FLG: variants seen among roughly 807,000 people sequenced by gnomAD.
The protein encoded by FLG is filaggrin, also known as epidermal filaggrin.
A neutral mutation model predicts 3.8 loss-of-function variants in FLG; 6 were observed. That is an observed-to-expected ratio of 1.60 (90% CI 0.87 to 3.15). The LOEUF (loss-of-function observed/expected upper bound fraction) is 3.15, where lower values mean the gene tolerates loss of function less well. FLG is among the 30% of genes most tolerant of loss of function. The pLI is 0.00. For missense variants in FLG, 7,595 were observed against 5,050.9 expected (o/e 1.50, Z -15.27); for synonymous variants, 2,551 against 1,931.6 (o/e 1.32, Z -8.41).
At position 152,303,383 on chromosome 1, in the gene FLG, T is replaced by A. The variant is rs766454727; in HGVS notation, c.11503A>T (p.Thr3835Ser). The change falls in exon 3 of 3, where the codon ACT becomes TCT. Residue 3835 changes from threonine to serine, a missense_variant. Coordinates refer to ENST00000368799, the MANE Select transcript of FLG (RefSeq NM_002016.2). ...GAGTGTCTAGAGCTGTCAGCCTGAGTGGAAGCTTCATGGTGACGCGACCCT... is the reference window on the plus strand; with the variant it reads ...GAGTGTCTAGAGCTGTCAGCCTGAGAGGAAGCTTCATGGTGACGCGACCCT... The part of the protein sequence containing the change: ...HSGSRHHEAS[T>S]QADSSRHSQS... 9 of 1,614,002 alleles carry A rather than the reference T, an allele frequency of 5.6e-6. No individual in the cohort carries two copies. Among genetic ancestry groups the A allele is most frequent in the South Asian group, 1.1e-5 (1 of 91,044 alleles).
chr1:152,321,783 A>G (rs1652985040), intron 1 of FLG, among the ~76,000 whole-genome samples: 1 of 151,242 alleles, frequency 6.6e-6, no homozygotes, highest in South Asian at 2.1e-4. Context: ...AGAGAAATGA[A>G]AAACAGGAAA....
chr1:152,323,968 C>T (rs1415864379), intron 1 of FLG, among the ~76,000 whole-genome samples: 1 of 151,576 alleles, frequency 6.6e-6, no homozygotes. Flanking sequence ...GTAGACTGGA[C>T]TAGGATGATA....
chr1:152,304,761 C>T lies in FLG; in HGVS notation c.10125G>A (p.Arg3375=), dbSNP rs541321784. The part of the protein sequence containing the change: ...QQSHQESARD[R]SGGRSGRSGS... ...CTGAACGTCCAGACCTTCCCCCTGA[C>T]CGGTCACGTGCGGACTCTTGGTGGC... Residue 3375 remains arginine, a synonymous_variant, in exon 3 of 3, where the codon CGG becomes CGA. Transcript: ENST00000368799. 1.2e-6 allele frequency: 2 copies of T among 1,613,716 alleles called. No individual in the cohort carries two copies. Among genetic ancestry groups the T allele is most frequent in the Admixed American group, 1.7e-5 (1 of 60,002 alleles).
At position 152,303,675 on chromosome 1, in the gene FLG, G is replaced by A. The variant is rs764701163; in HGVS notation, c.11211C>T (p.Ser3737=). 6 of 1,614,026 alleles carry A rather than the reference G, an allele frequency of 3.7e-6. No individual in the cohort carries two copies. Among genetic ancestry groups the A allele is most frequent in the African/African-American group, 1.3e-5 (1 of 75,018 alleles). ...AGCTGTCTCGTGCCTGCTCGTGGCG[G>A]GATCCTTGTCTTCCTCCAGTACTGG... ...AGPSTGGRQG[S]RHEQARDSSR... Residue 3737 remains serine, a synonymous_variant, in exon 3 of 3, where the codon TCC becomes TCT. Transcript: ENST00000368799.
chr1:152,302,632 G>A lies in FLG; in HGVS notation c.*68C>T, dbSNP rs997951833. On this transcript the variant is annotated 3_prime_UTR_variant, in exon 3 of 3. Transcript: ENST00000368799. ...ATAACTTCCCTGAAAGTATTATGAA[G>A]TTTCTTGATTGAAAGTGAACTTGCT... 8.2e-6 allele frequency: 13 copies of A among 1,584,842 alleles called. No individual in the cohort carries two copies. In the African/African-American group the frequency reaches 1.5e-4, roughly 18 times the overall value.
In FLG at chr1:152,312,532, TC is replaced by T. The variant is rs758558352; in HGVS notation, c.2353del (p.Glu785LysfsTer13). The stretch of plus-strand genomic sequence containing the variant: ...GAAAGACCCTGAACGTCGAGACCTT[TC>T]CCCTGACCGGTCACGTGCGGACTCT... ...HQESARDRSGERSRRSGSFLY... is the reference protein window; with the variant it reads ...HQESARDRSGXRSRRSGSFLY... On this transcript the variant is annotated frameshift_variant, in exon 3 of 3. Transcript: ENST00000368799. LOFTEE classifies it low-confidence loss of function (END_TRUNC). 16 of 1,613,288 alleles carry T rather than the reference TC, an allele frequency of 9.9e-6. No individual in the cohort carries two copies. The highest frequency in any genetic ancestry group is 1.3e-5 in the Non-Finnish European group (15 of 1,179,790).
chr1:152,314,897 C>G, intron 2 of FLG, 150 bp from the exon 3 acceptor site: 1 of 872,870 alleles, frequency 1.1e-6, no homozygotes, highest in Non-Finnish European at 1.8e-6. Context: ...TTGTCTCATC[C>G]TCATTCAGGT....
chr1:152,320,395 A>G (rs1652920150), intron 1 of FLG, among the ~76,000 whole-genome samples: 1 of 151,086 alleles, frequency 6.6e-6, no homozygotes, highest in Admixed American at 6.6e-5. Context: ...AAATGTGATT[A>G]AAATGATTGT....
At chr1:152,318,564 C>CT (rs1241770366) in intron 1 of FLG, among the ~76,000 whole-genome samples, 2 of 150,012 alleles carry the variant, frequency 1.3e-5, no homozygotes, top group Non-Finnish European at 3.0e-5. Flanking sequence ...CTTAGACCTT[C>CT]TTTTTAAAAA....
rs771890086 is a variant in FLG at position 152,307,785 on chromosome 1, C to G, written c.7101G>C (p.Gln2367His). Residue 2367 changes from glutamine (Q) to histidine (H), a missense_variant, in exon 3 of 3, where the codon CAG becomes CAC. Transcript: ENST00000368799. ...CTGAATGTCCCTCACTGTCACTGGC[C>G]TGACTACCACTGGACCCTCGGTGTC... ...DSGHRGSSGS[Q>H]ASDSEGHSED... 183 of 1,613,268 alleles carry G rather than the reference C, an allele frequency of 1.1e-4. 1 individual carries two copies. The highest frequency in any genetic ancestry group is 1.5e-4 in the Non-Finnish European group (176 of 1,179,818).
chr1:152,321,686 G>C (rs908580212), intron 1 of FLG, among the ~76,000 whole-genome samples: 61 of 151,182 alleles, frequency 4.0e-4, no homozygotes, highest in Non-Finnish European at 4.8e-4. Context: ...CATTTCCAGT[G>C]GGGGAGAAAC....
At position 152,312,014 on chromosome 1, in the gene FLG, C is replaced by G. The variant is rs1017307664; in HGVS notation, c.2872G>C (p.Asp958His). 1 of 1,614,126 alleles carries G rather than the reference C, an allele frequency of 6.2e-7. No homozygotes were observed. The highest frequency in any genetic ancestry group is 2.2e-5 in the East Asian group (1 of 44,840). ...QDSDSEGHSEDSERWSGSASR... is the reference protein window; with the variant it reads ...QDSDSEGHSEHSERWSGSASR... ...GCAGACCCAGACCACCTCTCAGAGT[C>G]TTCTGAATGTCCCTCACTGTCACTG... The change falls in exon 3 of 3, where the codon GAC becomes CAC. Residue 958 changes from aspartate (D) to histidine (H), a missense_variant. By Grantham distance (81) the Asp-to-His change is moderately conservative. Transcript: ENST00000368799.
Position 152,312,030 on chromosome 1 carries a change from A to G in FLG, c.2856T>C (p.Ser952=). 3 of 1,613,830 alleles carry G rather than the reference A, an allele frequency of 1.9e-6. No individual in the cohort carries two copies. Among genetic ancestry groups the G allele is most frequent in the Non-Finnish European group, 2.5e-6 (3 of 1,179,956 alleles). The change falls in exon 3 of 3, where the codon AGT becomes AGC. Residue 952 remains serine (S), a synonymous_variant. Coordinates refer to ENST00000368799, the MANE Select transcript of FLG (RefSeq NM_002016.2). ...QGSSVSQDSD[S]EGHSEDSERW... ...TCTCAGAGTCTTCTGAATGTCCCTC[A>G]CTGTCACTGTCCTGGCTAACACTGG...
chr1:152,312,345 T>G lies in FLG; in HGVS notation c.2541A>C (p.Ser847=), dbSNP rs536394626. The G allele has an allele frequency of 6.2e-7, 1 of 1,612,444 alleles. No individual in the cohort carries two copies. The part of the protein sequence containing the change: ...GQDTIRGHPG[S]SRRGRQGSHH... Reference sequence around the variant, plus strand: ...GGGACCCCTGCCTTCCTCTTCTGCTTGACCCCGGGTGTCCACGAATGGTGT... The same window carrying G: ...GGGACCCCTGCCTTCCTCTTCTGCTGGACCCCGGGTGTCCACGAATGGTGT... Residue 847 remains serine (S), a synonymous_variant, in exon 3 of 3, where the codon TCA becomes TCC. Coordinates refer to ENST00000368799, the MANE Select transcript of FLG (RefSeq NM_002016.2).
rs1317918495 is a variant in FLG, at chr1:152,309,978, A to G, written c.4908T>C (p.His1636=). 2.5e-6 allele frequency: 4 copies of G among 1,613,786 alleles called. No homozygotes were observed. The highest frequency in any genetic ancestry group is 3.4e-6 in the Non-Finnish European group (4 of 1,179,996). The change falls in exon 3 of 3, where the codon CAT becomes CAC. Residue 1636 remains histidine (H), a synonymous_variant. Transcript: ENST00000368799. The part of the protein sequence containing the change: ...SRHGSRNPRS[H]QEDRASHGHS... ...GCCCATGACTGGCTCTATCTTCTTG[A>G]TGGGACCTGGGGTTCCTGGAGCCAT...
At position 152,309,906 on chromosome 1, in the gene FLG, A is replaced by G. The variant is rs767453412; in HGVS notation, c.4980T>C (p.Thr1660=). 1 of 1,614,056 alleles carries G rather than the reference A, an allele frequency of 6.2e-7. No individual in the cohort carries two copies. Among genetic ancestry groups the G allele is most frequent in the Non-Finnish European group, 8.5e-7 (1 of 1,180,022 alleles). The change falls in exon 3 of 3, where the codon ACT becomes ACC. Residue 1660 remains threonine (T), a synonymous_variant. Transcript: ENST00000368799. The stretch of plus-strand genomic sequence containing the variant: ...ATGATGCAGCCTGTCCACCAGAGGA[A>G]GTCTCTGCATGACGAGTGCCTGATT... ...SRQSGTRHAE[T]SSGGQAASSQ...
At chr1:152,323,663 T>A (rs1454457264) in intron 1 of FLG, among the ~76,000 whole-genome samples, 1 of 150,864 alleles carries the variant, frequency 6.6e-6, no homozygotes, top group Non-Finnish European at 1.5e-5. Flanking sequence ...TTGGTGAGAA[T>A]GTGGAGAATT....
At position 152,309,957 on chromosome 1, in the gene FLG, A is replaced by G. The variant is rs200129570; in HGVS notation, c.4929T>C (p.His1643=). The G allele has an allele frequency of 3.5e-5, 57 of 1,613,926 alleles. No homozygotes were observed. The Middle Eastern group carries it at 6.6e-4, about 19-fold the overall frequency. ...GTCTGGAGCTCTCTGCAGAGTGCCC[A>G]TGACTGGCTCTATCTTCTTGATGGG... ...PRSHQEDRAS[H]GHSAESSRQS... The change falls in exon 3 of 3, where the codon CAT becomes CAC. Residue 1643 remains histidine (H), a synonymous_variant. Transcript: ENST00000368799.
At position 152,309,183 on chromosome 1, in the gene FLG, G is replaced by A. The variant is rs12073518; in HGVS notation, c.5703C>T (p.Gly1901=). Reference sequence around the variant, plus strand: ...TCCTGGGCCCTGATGATTGTCCCTGGCCCACCTGCGAGTGTCTAGAGCTGT... The same window carrying A: ...TCCTGGGCCCTGATGATTGTCCCTGACCCACCTGCGAGTGTCTAGAGCTGT... ...RADSSRHSQV[G]QGQSSGPRTS... Residue 1901 remains glycine, a synonymous_variant, in exon 3 of 3, where the codon GGC becomes GGT. Transcript: ENST00000368799. 4.2e-3 allele frequency: 6,738 copies of A among 1,613,480 alleles called. 256 individuals are homozygous for A. The African/African-American group carries it at 0.08, about 19-fold the overall frequency.
Sources: gnomAD v4.1 joint callset for allele counts (sites outside exome capture counted in the v4.1 genomes callset) on GRCh38, gnomAD v4.1.1 for gene constraint, MANE v1.5 for transcripts, NCBI Gene and HGNC (gene_info 2026-07-23, HGNC 2026-07-21) for gene names.